Variants in HSPA14 observed in about 807,000 individuals in gnomAD.
HSPA14 encodes the protein heat shock 70 kDa protein 14.
HSPA14 carries 37 observed loss-of-function variants against 65.5 expected under a neutral mutation model. The observed-to-expected ratio is 0.56, with a 90% CI of 0.43 to 0.74. The LOEUF (loss-of-function observed/expected upper bound fraction) is 0.74, where lower values mean the gene tolerates loss of function less well. Among genes scored for constraint, HSPA14 ranks in the 30% least tolerant of loss-of-function variants. The pLI, the probability that HSPA14 is intolerant of heterozygous loss-of-function variation, is 0.00. For synonymous variants in HSPA14, 203 were observed against 214.2 expected (o/e 0.95, Z 0.46); for missense variants, 564 against 607.6 (o/e 0.93, Z 0.75).
chr10:14,846,558 T>C (rs893814860), intron 3 of HSPA14: 44 of 984,568 alleles, frequency 4.5e-5, no homozygotes, highest in Middle Eastern at 5.2e-4. Context: ...GCCTATGTGG[T>C]AGACCCAACC....
intron 9 of HSPA14, among the ~76,000 whole-genome samples, chr10:14,855,562 G>A (rs1834139643): frequency 6.6e-6 from 1 of 152,138 alleles, no homozygotes; most frequent in East Asian, 1.9e-4. Context: ...CTTATAAGTA[G>A]ACCATAAGCA....
Position 14,842,472 on chromosome 10 carries a change from G to A in HSPA14, c.221+2315G>A, listed in dbSNP as rs1223417724. 4.6e-6 allele frequency: 7 copies of A among 1,536,002 alleles called. No homozygotes were observed. Among genetic ancestry groups the A allele is most frequent in the Admixed American group, 2.0e-5 (1 of 50,986 alleles). ...TTCCGCCGCACCGAACGTCAGTGCC[G>A]CTCCAAGTTTAAAGTTCTGAAGGCA... On this transcript the variant is annotated intron_variant, in intron 3 of 13. Coordinates refer to ENST00000378372, the MANE Select transcript of HSPA14 (RefSeq NM_016299.4). The surrounding 1 kb of genome is among the most constrained non-coding windows in gnomAD (Gnocchi z 5.2).
intron 3 of HSPA14, chr10:14,844,866 T>A: frequency 1.0e-6 from 1 of 985,450 alleles, no homozygotes; most frequent in Middle Eastern, 5.2e-4. Context: ...GCTGATTTCA[T>A]TCTTTTCTGT....
intron 8 of HSPA14, 74 bp from the exon 9 acceptor site, chr10:14,854,051 T>C: frequency 7.4e-7 from 1 of 1,358,784 alleles, no homozygotes; most frequent in Non-Finnish European, 1.0e-6. Context: ...TTAATAAGGA[T>C]TATCCAGATC....
intron 12 of HSPA14, among the ~76,000 whole-genome samples, chr10:14,870,257 C>T (rs1447453283): frequency 6.6e-6 from 1 of 151,552 alleles, no homozygotes. Context: ...TTGCGTGTTA[C>T]TGGGAATGGC....
rs1833920535 is a variant in HSPA14 at position 14,838,465 on chromosome 10, G to A, written c.57+6G>A. On this transcript the variant is annotated splice_donor_region_variant and intron_variant, in intron 1 of 13. Coordinates refer to ENST00000378372, the MANE Select transcript of HSPA14 (RefSeq NM_016299.4). ...CCTGTGTGGCCGTCTATAAGGTGAG[G>A]GGCTGCGGAGCTGGGCTAGGGCTTC... is the stretch of plus-strand genomic sequence containing the variant. 6.2e-7 allele frequency: 1 copy of A among 1,601,646 alleles called. No homozygotes were observed. The highest frequency in any genetic ancestry group is 1.7e-5 in the Admixed American group (1 of 58,780).
intron 10 of HSPA14, among the ~76,000 whole-genome samples, chr10:14,864,182 C>G (rs1326335495): frequency 2.0e-5 from 3 of 147,584 alleles, no homozygotes; most frequent in African/African-American, 7.6e-5. Context: ...TGAGCTATGA[C>G]TGTACCACTG....
chr10:14,861,565 C>T (rs953192918), intron 10 of HSPA14, among the ~76,000 whole-genome samples: 2 of 152,160 alleles, frequency 1.3e-5, no homozygotes, highest in African/African-American at 4.8e-5. Context: ...CCCATCTCAG[C>T]CTCCCAAAGT....
At chr10:14,851,032 C>T (rs1834104892) in intron 6 of HSPA14, 187 bp from the exon 7 acceptor site, 1 of 476,500 alleles carries the variant, frequency 2.1e-6, no homozygotes, top group Non-Finnish European at 3.7e-6. Flanking sequence ...CAATTTTAAA[C>T]AGAAAGTGAT....
chr10:14,839,136 G>A (rs1280294047), intron 1 of HSPA14, among the ~76,000 whole-genome samples: 3 of 152,216 alleles, frequency 2.0e-5, no homozygotes, highest in Admixed American at 6.5e-5. Context: ...GTGAGAGCCT[G>A]ACAGGACTTG....
intron 10 of HSPA14, among the ~76,000 whole-genome samples, chr10:14,861,200 TTGTG>T (rs1832747322): frequency 1.3e-5 from 2 of 152,110 alleles, no homozygotes; most frequent in Non-Finnish European, 2.9e-5. Context: ...AACTCTCAAG[TTGTG>T]TTACAAGGGC....
chr10:14,846,122 T>C (rs1834049376), intron 3 of HSPA14: 1 of 983,636 alleles, frequency 1.0e-6, no homozygotes, highest in African/African-American at 1.8e-5. Context: ...ACATATAGAC[T>C]CTTTACTTTA....
intron 10 of HSPA14, among the ~76,000 whole-genome samples, chr10:14,865,728 G>A (rs11814834): frequency 5.9e-5 from 9 of 152,074 alleles, no homozygotes; most frequent in Middle Eastern, 3.2e-3. Flanking sequence ...TTACTGTAGC[G>A]TTATAGTATA....
chr10:14,845,470 A>G (rs1251904264), intron 3 of HSPA14: 1 of 985,314 alleles, frequency 1.0e-6, no homozygotes, highest in African/African-American at 1.7e-5. Flanking sequence ...TGCTCTGCCA[A>G]GCCAGGGATG....
At chr10:14,860,287 C>G (rs572108610) in intron 10 of HSPA14, among the ~76,000 whole-genome samples, 11 of 152,226 alleles carry the variant, frequency 7.2e-5, no homozygotes, top group African/African-American at 2.6e-4. Context: ...ATTGAGCACA[C>G]CTATTCTACG....
chr10:14,868,944 T>C (rs1301571903), intron 12 of HSPA14, among the ~76,000 whole-genome samples: 1 of 152,000 alleles, frequency 6.6e-6, no homozygotes, highest in Non-Finnish European at 1.5e-5. Context: ...CCTCCCAGGT[T>C]CATGCCATTT....
Position 14,842,401 on chromosome 10 carries a change from T to C in HSPA14, c.221+2244T>C. The C allele has an allele frequency of 6.5e-7, 1 of 1,536,178 alleles. No individual in the cohort carries two copies. Among genetic ancestry groups the C allele is most frequent in the Non-Finnish European group, 8.7e-7 (1 of 1,146,916 alleles). Reference sequence around the variant, plus strand: ...AGCGCCTCCAGACTGTGCATCACAATGCAGATGTCTATCAGGCTGTGTCTA... The same window carrying C: ...AGCGCCTCCAGACTGTGCATCACAACGCAGATGTCTATCAGGCTGTGTCTA... On this transcript the variant is annotated intron_variant, in intron 3 of 13. Transcript: ENST00000378372. This position sits in a 1 kb window ranked among gnomAD's most constrained non-coding sequence, Gnocchi z 5.2.
Position 14,840,072 on chromosome 10 carries a change from C to A in HSPA14, c.139-3C>A. ...TATATATATATATTATTTTTTTTTT[C>A]AGATTGTTGGATTGGCAGCAAAACA... On this transcript the variant is annotated splice_polypyrimidine_tract_variant and splice_region_variant and intron_variant, in intron 2 of 13. Transcript: ENST00000378372. 7.8e-7 allele frequency: 1 copy of A among 1,281,840 alleles called. No homozygotes were observed. Among genetic ancestry groups the A allele is most frequent in the Non-Finnish European group, 1.0e-6 (1 of 964,520 alleles). The allele number at this position is 1,281,840 out of a possible 1,614,324, so 79.4% of individuals were successfully genotyped here.
rs145272360 is a variant in HSPA14 at position 14,856,499 on chromosome 10, A to G, written c.993+556A>G. Among the ~76,000 whole-genome samples the G allele has an allele frequency of 5.8e-3, 888 of 152,328 alleles. 11 individuals are homozygous for G. Among genetic ancestry groups the G allele is most frequent in the African/African-American group, 0.02 (815 of 41,562 alleles). On this transcript the variant is annotated intron_variant, in intron 10 of 13. Coordinates refer to ENST00000378372, the MANE Select transcript of HSPA14 (RefSeq NM_016299.4). ...AACATATTTTTAGACTTTCAAAAAA[A>G]TTCAAATGTTTAGTATTTTCTTTTT...
Sources: allele counts gnomAD v4.1 joint callset (sites outside exome capture counted in the v4.1 genomes callset), GRCh38; gene constraint gnomAD v4.1.1; non-coding constraint Gnocchi (gnomAD v3.1); transcripts MANE v1.5; gene names NCBI Gene and HGNC (gene_info 2026-07-23, HGNC 2026-07-21).